Variants in ARFIP1 observed in about 807,000 individuals in gnomAD.
The protein encoded by ARFIP1 is ARF interacting protein 1, also known as arfaptin-1.
ARFIP1 carries 24 observed loss-of-function variants against 42.5 expected under a neutral mutation model. The ratio of observed to expected loss-of-function variants is 0.57; its 90% CI spans 0.41 to 0.80. The LOEUF (loss-of-function observed/expected upper bound fraction) is 0.80. ARFIP1 is among the 30% of genes least tolerant of loss of function. The probability of loss-of-function intolerance (pLI) is 0.00; values close to 1 mark genes in which losing one functional copy is unlikely to be tolerated. For missense variants in ARFIP1, 354 were observed against 434.0 expected (o/e 0.82, Z 1.64); for synonymous variants, 141 against 153.7 (o/e 0.92, Z 0.61).
Position 152,874,795 on chromosome 4 carries a change from G to C in ARFIP1, c.411+2231G>C, listed in dbSNP as rs141493078. Among the ~76,000 whole-genome samples, 777 of 152,204 alleles carry C rather than the reference G, an allele frequency of 5.1e-3. 7 individuals are homozygous for C. Among genetic ancestry groups the C allele is most frequent in the African/African-American group, 0.018 (745 of 41,528 alleles). ...TCCTCTCACCTCAGCCTCCTGAGCA[G>C]CTGGGATACAGGCAGGCATCACCAC... On this transcript the variant is annotated intron_variant, in intron 5 of 8. Transcript: ENST00000353617.
At chr4:152,828,727 G>A (rs1055190932) in intron 1 of ARFIP1, among the ~76,000 whole-genome samples, 3 of 152,150 alleles carry the variant, frequency 2.0e-5, no homozygotes, top group African/African-American at 7.2e-5. Flanking sequence ...AAATTTTAAT[G>A]AAGTACAGCC....
intron 3 of ARFIP1, among the ~76,000 whole-genome samples, chr4:152,866,170 G>GA (rs1206538875): frequency 2.6e-5 from 4 of 152,278 alleles, no homozygotes; most frequent in South Asian, 4.1e-4. Flanking sequence ...ATGTTTCAGA[G>GA]AGCACAGGGT....
intron 1 of ARFIP1, among the ~76,000 whole-genome samples, chr4:152,812,159 C>T (rs1313366832): frequency 2.0e-5 from 3 of 152,196 alleles, no homozygotes; most frequent in Non-Finnish European, 2.9e-5. Context: ...ATTTACTCCC[C>T]TTACCCCCAG....
At chr4:152,881,764 A>G (rs772657001) in intron 6 of ARFIP1, among the ~76,000 whole-genome samples, 9 of 152,172 alleles carry the variant, frequency 5.9e-5, no homozygotes, top group Non-Finnish European at 1.2e-4. Context: ...TAAATGGAAA[A>G]TGGTTTTAGC....
At chr4:152,802,351 T>A (rs959844711) in intron 1 of ARFIP1, among the ~76,000 whole-genome samples, 1 of 152,208 alleles carries the variant, frequency 6.6e-6, no homozygotes, top group Non-Finnish European at 1.5e-5. Flanking sequence ...TTTCTTTACT[T>A]TCTTCATTGC....
At chr4:152,889,891 T>A (rs1183486486) in intron 8 of ARFIP1, among the ~76,000 whole-genome samples, 1 of 134,904 alleles carries the variant, frequency 7.4e-6, no homozygotes, top group East Asian at 2.1e-4. Context: ...ATATAGTGTA[T>A]GTATACTATA....
chr4:152,826,329 C>G (rs2149843624), intron 1 of ARFIP1, among the ~76,000 whole-genome samples: 1 of 152,136 alleles, frequency 6.6e-6, no homozygotes, highest in East Asian at 1.9e-4. Flanking sequence ...TGGATAGAAC[C>G]AATAATGGTA....
chr4:152,910,854 G>T lies in ARFIP1; in HGVS notation c.*635G>T, dbSNP rs1397015656. 6.6e-6 allele frequency: 1 copy of T among 152,238 alleles called. No homozygotes were observed. The highest frequency in any genetic ancestry group is 1.5e-5 in the Non-Finnish European group (1 of 67,994). 9.4% of individuals were successfully genotyped at this position (152,238 alleles called of 1,614,324 possible). On this transcript the variant is annotated 3_prime_UTR_variant, in exon 9 of 9. Coordinates refer to ENST00000353617, the MANE Select transcript of ARFIP1 (RefSeq NM_001025595.3). Reference sequence around the variant, plus strand: ...ACACAGAAATCACACTGTCATTTCTGTGAGGCTTTTAAGCTTATGAATTTG... The same window carrying T: ...ACACAGAAATCACACTGTCATTTCTTTGAGGCTTTTAAGCTTATGAATTTG...
chr4:152,875,411 C>G (rs1219365557), intron 5 of ARFIP1, among the ~76,000 whole-genome samples: 1 of 142,386 alleles, frequency 7.0e-6, no homozygotes, highest in African/African-American at 2.6e-5. Context: ...AGAATAATCT[C>G]TCAGTTTCAG....
At chr4:152,875,823 A>C (rs1735283369) in intron 5 of ARFIP1, among the ~76,000 whole-genome samples, 1 of 151,084 alleles carries the variant, frequency 6.6e-6, no homozygotes, top group African/African-American at 2.4e-5. Flanking sequence ...AATTCCCATG[A>C]GTTGTGGGAG....
At chr4:152,804,478 TATATATTATTTATATATATATA>T in intron 1 of ARFIP1, among the ~76,000 whole-genome samples, 1 of 106,912 alleles carries the variant, frequency 9.4e-6, no homozygotes, top group Non-Finnish European at 1.8e-5. Flanking sequence ...ATATATATAA[TATATATTATTTATATATATATA>T]ATATATATAT....
In ARFIP1 at chr4:152,889,838, ATATATATAC is replaced by A. The variant is rs539861593; in HGVS notation, c.966+1558_966+1566del. 6.3e-3 allele frequency among the ~76,000 whole-genome samples: 683 copies of A among 108,716 alleles called. 5 individuals are homozygous for A. The highest frequency in any genetic ancestry group is 7.7e-3 in the African/African-American group (201 of 26,090). 71.3% of individuals were successfully genotyped at this position (108,716 alleles called of 152,430 possible). On this transcript the variant is annotated intron_variant, in intron 8 of 8. Coordinates refer to ENST00000353617, the MANE Select transcript of ARFIP1 (RefSeq NM_001025595.3). The stretch of plus-strand genomic sequence containing the variant: ...ATATATACTATATATACTATATACT[ATATATATAC>A]TATATATACTATATATACTATATAT...
chr4:152,789,656 G>A (rs1010033283), intron 1 of ARFIP1, among the ~76,000 whole-genome samples: 5 of 152,002 alleles, frequency 3.3e-5, no homozygotes, highest in African/African-American at 1.2e-4. Flanking sequence ...CCTTTCAGTC[G>A]TTTATTTATA....
At chr4:152,798,396 A>G (rs1165314645) in intron 1 of ARFIP1, among the ~76,000 whole-genome samples, 1 of 152,144 alleles carries the variant, frequency 6.6e-6, no homozygotes, top group African/African-American at 2.4e-5. Context: ...TATCATGTTG[A>G]GAAATTACGT....
intron 1 of ARFIP1, among the ~76,000 whole-genome samples, chr4:152,817,904 G>C (rs1730034094): frequency 6.6e-6 from 1 of 152,142 alleles, no homozygotes; most frequent in East Asian, 1.9e-4. Context: ...ACTACAATGA[G>C]ATATCACTGT....
chr4:152,879,183 T>TA (rs560700406), intron 5 of ARFIP1, among the ~76,000 whole-genome samples: 6,005 of 143,476 alleles, frequency 0.042, 177 homozygotes, highest in South Asian at 0.083. Flanking sequence ...ACTCTTTTGT[T>TA]AAAAAAAAAA....
At chr4:152,905,545 GTTTTTTT>G (rs59608457) in intron 8 of ARFIP1, among the ~76,000 whole-genome samples, 35 of 30,378 alleles carry the variant, frequency 1.2e-3, no homozygotes, top group Admixed American at 4.3e-3. Context: ...TGTAAGAATT[GTTTTTTT>G]TTTTTTTTTT....
chr4:152,866,364 G>C (rs1403246375), intron 3 of ARFIP1, among the ~76,000 whole-genome samples: 1 of 152,100 alleles, frequency 6.6e-6, no homozygotes, highest in African/African-American at 2.4e-5. Flanking sequence ...ATCATGGCCC[G>C]TTCCCAGTGA....
intron 2 of ARFIP1, among the ~76,000 whole-genome samples, chr4:152,852,014 A>G (rs980433830): frequency 6.6e-6 from 1 of 152,234 alleles, no homozygotes; most frequent in Non-Finnish European, 1.5e-5. Flanking sequence ...TGCCAAAAGC[A>G]TATTTTGTTT....
Sources: gnomAD v4.1 joint callset for allele counts (sites outside exome capture counted in the v4.1 genomes callset) on GRCh38, gnomAD v4.1.1 for gene constraint, MANE v1.5 for transcripts, NCBI Gene and HGNC (gene_info 2026-07-23, HGNC 2026-07-21) for gene names.